The following PGM2 variants were observed in gnomAD, a reference collection of about 807,000 sequenced individuals.
The protein encoded by PGM2 is phosphopentomutase.
A neutral mutation model predicts 74.6 loss-of-function variants in PGM2; 57 were observed. That is an observed-to-expected ratio of 0.76 (90% CI 0.62 to 0.95). The LOEUF is 0.95. PGM2 is among the 40% of genes least tolerant of loss of function. PGM2 has a pLI of 0.00. For missense variants in PGM2, 706 were observed against 741.9 expected, an observed-to-expected ratio of 0.95 and a Z score of 0.56; for synonymous variants, 273 against 260.7, an observed-to-expected ratio of 1.05 and a Z score of -0.46.
chr4:37,844,950 AG>A (rs1725826801), intron 7 of PGM2, among the ~76,000 whole-genome samples: 1 of 145,876 alleles, frequency 6.9e-6, no homozygotes, highest in Admixed American at 7.0e-5. Flanking sequence ...CCTGGGTGAC[AG>A]GGTGACAGAG....
At chr4:37,852,561 A>G (rs4832960) in intron 12 of PGM2, among the ~76,000 whole-genome samples, 80,911 of 152,002 alleles carry the variant, frequency 0.53, 22,192 homozygotes, top group Non-Finnish European at 0.61. Flanking sequence ...GTGGCATTTA[A>G]GTCCGAAAAT....
intron 6 of PGM2, among the ~76,000 whole-genome samples, chr4:37,843,235 G>A (rs909285174): frequency 1.3e-5 from 2 of 152,126 alleles, no homozygotes; most frequent in Non-Finnish European, 1.5e-5. Flanking sequence ...TTTATGTCTA[G>A]TACCAAGCTG....
Position 37,844,472 on chromosome 4 carries a change from G to A in PGM2, c.828G>A (p.Glu276=). The A allele has an allele frequency of 1.2e-6, 2 of 1,613,682 alleles. No homozygotes were observed. The highest frequency in any genetic ancestry group is 1.1e-5 in the South Asian group (1 of 91,070). The stretch of plus-strand genomic sequence containing the variant: ...AGGCTTTTGACCTTGTTCCTCCTGA[G>A]GCTGTTCCTGAACAGAAAGATCCGG... ...AFKAFDLVPP[E]AVPEQKDPDP... The change falls in exon 7 of 14, where the codon GAG becomes GAA. Residue 276 remains glutamate (E), a synonymous_variant. Transcript: ENST00000381967.
chr4:37,837,663 GACTT>G (rs1416925628), intron 4 of PGM2, 50 bp downstream of exon 4: 1 of 1,160,582 alleles, frequency 8.6e-7, no homozygotes, highest in Non-Finnish European at 1.3e-6. Flanking sequence ...TCAGGGATGG[GACTT>G]GGCTGAATTT....
chr4:37,834,335 T>C (rs1725509014), intron 2 of PGM2, among the ~76,000 whole-genome samples: 1 of 145,802 alleles, frequency 6.9e-6, no homozygotes, highest in Admixed American at 6.7e-5. Context: ...AGACCCTGTC[T>C]CTGGAAAAAA....
chr4:37,848,467 A>ATATG (rs1725938156), intron 10 of PGM2, 55 bp from the exon 11 acceptor site: 1 of 1,491,624 alleles, frequency 6.7e-7, no homozygotes, highest in African/African-American at 1.4e-5. Flanking sequence ...ATTCATACTC[A>ATATG]TATGTGGTTT....
intron 2 of PGM2, 148 bp downstream of exon 2, chr4:37,830,279 C>A: frequency 1.9e-6 from 1 of 538,204 alleles, no homozygotes; most frequent in Non-Finnish European, 3.2e-6. Context: ...TAAAGTAAGG[C>A]TTGCACAATA....
intron 2 of PGM2, among the ~76,000 whole-genome samples, chr4:37,832,887 C>T (rs1725472943): frequency 6.6e-6 from 1 of 152,146 alleles, no homozygotes; most frequent in Non-Finnish European, 1.5e-5. Flanking sequence ...CCCTCTTCCC[C>T]CACTGAGTCT....
At chr4:37,840,292 G>T (rs1286018013) in intron 6 of PGM2, 33 bp downstream of exon 6, 1 of 1,348,118 alleles carries the variant, frequency 7.4e-7, no homozygotes, top group Non-Finnish European at 1.1e-6. Context: ...GACCTTAAGT[G>T]AGTTAATGTG....
rs1037063310 is a variant in PGM2 at position 37,847,384 on chromosome 4, G to A, written c.1282+89G>A. 1.9e-5 allele frequency: 18 copies of A among 935,038 alleles called. No homozygotes were observed. In the South Asian group the frequency reaches 1.9e-4, roughly 10 times the overall value. 57.9% of individuals were successfully genotyped at this position (935,038 alleles called of 1,614,324 possible). Reference sequence around the variant, plus strand: ...GATTCAAAGATCCACAGTGAAACACGGTTTATTTTGCCTCTCCAGCACTCA... The same window carrying A: ...GATTCAAAGATCCACAGTGAAACACAGTTTATTTTGCCTCTCCAGCACTCA... On this transcript the variant is annotated intron_variant, in intron 10 of 13. Transcript: ENST00000381967.
chr4:37,829,939 G>C lies in PGM2; in HGVS notation c.82-25G>C, dbSNP rs543157756. On this transcript the variant is annotated intron_variant, in intron 1 of 13. Coordinates refer to ENST00000381967, the MANE Select transcript of PGM2 (RefSeq NM_018290.4). ...TGATTTTTCATTCACTTGTCTGGCT[G>C]TGTCTATACATTTTTGTTTTTCAGA... 2.0e-4 allele frequency: 302 copies of C among 1,500,570 alleles called. 4 individuals carry two copies. The South Asian group carries it at 3.7e-3, about 18-fold the overall frequency. 93.0% of individuals were successfully genotyped at this position (1,500,570 alleles called of 1,614,324 possible).
chr4:37,847,428 C>T (rs1450717392), intron 10 of PGM2, 133 bp downstream of exon 10: 1 of 624,456 alleles, frequency 1.6e-6, no homozygotes, highest in Non-Finnish European at 2.8e-6. Flanking sequence ...GTCGAACTGT[C>T]CTACTCCAAA....
At chr4:37,847,878 A>G (rs1242081574) in intron 10 of PGM2, among the ~76,000 whole-genome samples, 1 of 152,270 alleles carries the variant, frequency 6.6e-6, no homozygotes, top group East Asian at 1.9e-4. Flanking sequence ...TTAATTTAGT[A>G]AAAACTATTA....
At chr4:37,839,115 T>A (rs1037538628) in intron 4 of PGM2, among the ~76,000 whole-genome samples, 18 of 73,978 alleles carry the variant, frequency 2.4e-4, no homozygotes, top group African/African-American at 2.0e-3. Context: ...CCTCAAATTT[T>A]TTTTTTTTTT....
chr4:37,859,709 T>C (rs1270263258), intron 13 of PGM2, among the ~76,000 whole-genome samples: 4 of 147,464 alleles, frequency 2.7e-5, no homozygotes, highest in African/African-American at 1.0e-4. Flanking sequence ...GTCCCCAAAA[T>C]AGCTGTTTTC....
At chr4:37,839,111 A>ATT (rs60423053) in intron 4 of PGM2, among the ~76,000 whole-genome samples, 94 of 94,614 alleles carry the variant, frequency 9.9e-4, no homozygotes, top group East Asian at 2.1e-3. Flanking sequence ...ATTCCCTCAA[A>ATT]TTTTTTTTTT....
At chr4:37,846,865 G>A (rs1725887314) in intron 8 of PGM2, 66 bp from the exon 9 acceptor site, 19 of 1,274,580 alleles carry the variant, frequency 1.5e-5, no homozygotes, top group Non-Finnish European at 2.1e-5. Context: ...TTATCCCCAT[G>A]ACACTTTAGA....
At chr4:37,827,759 C>T (rs1315888790) in intron 1 of PGM2, among the ~76,000 whole-genome samples, 3 of 152,082 alleles carry the variant, frequency 2.0e-5, no homozygotes, top group South Asian at 2.1e-4. Context: ...TCTCCAGGGC[C>T]GACTTCAGGG....
chr4:37,837,466 T>C (rs1017804704), intron 3 of PGM2, 63 bp from the exon 4 acceptor site: 9 of 926,130 alleles, frequency 9.7e-6, no homozygotes, highest in Non-Finnish European at 1.6e-5. Context: ...TTTCCTTCTT[T>C]CCATCACTCA....
Sources: gnomAD v4.1 joint callset for allele counts (sites outside exome capture counted in the v4.1 genomes callset) on GRCh38, gnomAD v4.1.1 for gene constraint, MANE v1.5 for transcripts, NCBI Gene and HGNC (gene_info 2026-07-23, HGNC 2026-07-21) for gene names.